The following SPTA1 variants were observed in gnomAD, a reference collection of about 807,000 sequenced individuals.
The protein encoded by SPTA1 is spectrin alpha, erythrocytic 1.
Under a neutral mutation model 324.7 loss-of-function variants are expected in SPTA1, and 177 were observed. That is an observed-to-expected ratio of 0.55 (90% CI 0.48 to 0.62). The LOEUF (loss-of-function observed/expected upper bound fraction) is 0.62, where lower values mean the gene tolerates loss of function less well. Ranked by LOEUF, SPTA1 falls within the 20% of genes least tolerant of loss-of-function variation. The pLI is 0.00. For missense variants in SPTA1, 3,162 were observed against 2,883.6 expected, an observed-to-expected ratio of 1.10 and a Z score of -2.21; for synonymous variants, 1,195 against 1,041.3, an observed-to-expected ratio of 1.15 and a Z score of -2.84.
chr1:158,643,587 A>G (rs754998482), intron 30 of SPTA1, among the ~76,000 whole-genome samples, 162 bp from the exon 31 acceptor site: 6 of 152,302 alleles, frequency 3.9e-5, no homozygotes, highest in Non-Finnish European at 7.4e-5. Context: ...TTTCAACTTA[A>G]TAGGAGGAGA....
At chr1:158,634,273 C>T (rs1224068110) in intron 39 of SPTA1, among the ~76,000 whole-genome samples, 1 of 152,162 alleles carries the variant, frequency 6.6e-6, no homozygotes, top group African/African-American at 2.4e-5. Flanking sequence ...AGGTCTTTAA[C>T]CATTATTTCT....
In SPTA1 at chr1:158,615,216, T is replaced by C. The variant is rs754391265; in HGVS notation, c.6788A>G (p.Lys2263Arg). The C allele has an allele frequency of 1.7e-5, 28 of 1,613,004 alleles. No individual in the cohort carries two copies. The highest frequency in any genetic ancestry group is 2.3e-5 in the Non-Finnish European group (27 of 1,180,010). The change falls in exon 48 of 52, where the codon AAG becomes AGG. Residue 2263 changes from lysine (K) to arginine (R), a missense_variant and splice_region_variant. Physicochemically the swap from Lys to Arg is conservative, Grantham distance 26. Transcript: ENST00000643759. ...TGCTCTGGCCACACGCCCTCAATAC[T>C]TGGCCTGGATCTGTTGCTCCAGGTT... ...QHNLEQQIQA[K>R]DIKGVSEETL...
At chr1:158,646,328 A>G (rs1651996393) in intron 27 of SPTA1, among the ~76,000 whole-genome samples, 4 of 152,210 alleles carry the variant, frequency 2.6e-5, no homozygotes, top group Admixed American at 2.6e-4. Context: ...AGGAACCCTT[A>G]GCTCTAGGAA....
Position 158,676,362 on chromosome 1 carries a change from G to A in SPTA1, c.958-67C>T, listed in dbSNP as rs1654395715. On this transcript the variant is annotated intron_variant, in intron 7 of 51. Coordinates refer to ENST00000643759, the MANE Select transcript of SPTA1 (RefSeq NM_003126.4). ...CTGACTCCCCCTGGCAAAGCTTTGT[G>A]GGAGAGGTATAAAAAATCATATGAA... 6 of 1,553,410 alleles carry A rather than the reference G, an allele frequency of 3.9e-6. No homozygotes were observed. In the South Asian group the frequency reaches 4.5e-5, roughly 12 times the overall value.
At chr1:158,682,337 G>A (rs182796427) in intron 3 of SPTA1, among the ~76,000 whole-genome samples, 112 of 152,178 alleles carry the variant, frequency 7.4e-4, no homozygotes, top group African/African-American at 2.1e-3. Flanking sequence ...GTTAAACCCC[G>A]CAATGGTACC....
At chr1:158,639,441 C>A in intron 35 of SPTA1, 141 bp downstream of exon 35, 2 of 808,554 alleles carry the variant, frequency 2.5e-6, no homozygotes, top group Non-Finnish European at 2.1e-6. Context: ...TTAATTTTAC[C>A]TAATTAAAAT....
intron 1 of SPTA1, among the ~76,000 whole-genome samples, chr1:158,686,287 G>A (rs183092561): frequency 6.6e-6 from 1 of 152,250 alleles, no homozygotes; most frequent in Non-Finnish European, 1.5e-5. Context: ...TCTGGGAACC[G>A]ACTTAAGTCA....
chr1:158,632,437 G>T (rs1557935769), intron 39 of SPTA1, among the ~76,000 whole-genome samples: 1 of 151,390 alleles, frequency 6.6e-6, no homozygotes, highest in Non-Finnish European at 1.5e-5. Context: ...TAGATCTCAT[G>T]TTCAGTGTTT....
At chr1:158,633,929 C>T (rs1357783563) in intron 39 of SPTA1, among the ~76,000 whole-genome samples, 1 of 152,068 alleles carries the variant, frequency 6.6e-6, no homozygotes, top group African/African-American at 2.4e-5. Flanking sequence ...TGGTAAATTC[C>T]CAATTTTTAG....
Position 158,623,100 on chromosome 1 carries a change from G to A in SPTA1, c.6003C>T (p.Asn2001=), listed in dbSNP as rs749678240. The change falls in exon 43 of 52, where the codon AAC becomes AAT. Residue 2001 remains asparagine (N), a synonymous_variant. Transcript: ENST00000643759. ...LKDKLISAQH[N]QSKAIEERYA... ...AACGCTCTTCAATGGCTTTAGACTG[G>A]TTGTGTTGAGCAGAAATCAGTTTGT... 6.2e-7 allele frequency: 1 copy of A among 1,614,162 alleles called. No individual in the cohort carries two copies. The highest frequency in any genetic ancestry group is 1.3e-5 in the African/African-American group (1 of 75,040).
chr1:158,655,544 G>A (rs1173463171), intron 20 of SPTA1, among the ~76,000 whole-genome samples: 1 of 150,860 alleles, frequency 6.6e-6, no homozygotes, highest in Non-Finnish European at 1.5e-5. Flanking sequence ...AAATCCTTCT[G>A]TTCTTGTTTA....
At position 158,620,375 on chromosome 1, in the gene SPTA1, T is replaced by A; in HGVS notation, c.6212A>T (p.His2071Leu). The change falls in exon 44 of 52, where the codon CAC becomes CTC. Residue 2071 changes from histidine (H) to leucine (L), a missense_variant. Transcript: ENST00000643759. Reference sequence around the variant, plus strand: ...CCGAATTTCATTCAGGGAGACACAGTGCACAGGCTCTGACAAGTTTTCTTC... The same window carrying A: ...CCGAATTTCATTCAGGGAGACACAGAGCACAGGCTCTGACAAGTTTTCTTC... ...KMEENLSEPV[H>L]CVSLNEIRQL... 2 of 1,614,088 alleles carry A rather than the reference T, an allele frequency of 1.2e-6. No homozygotes were observed. The highest frequency in any genetic ancestry group is 1.7e-6 in the Non-Finnish European group (2 of 1,180,036).
chr1:158,626,071 A>T (rs890014390), intron 42 of SPTA1, 75 bp downstream of exon 42: 2 of 1,378,852 alleles, frequency 1.5e-6, no homozygotes, highest in African/African-American at 2.9e-5. Flanking sequence ...CCCAAAATTC[A>T]GAAATAAATA....
At chr1:158,680,521 C>G in intron 5 of SPTA1, 62 bp downstream of exon 5, 1 of 1,609,710 alleles carries the variant, frequency 6.2e-7, no homozygotes, top group Non-Finnish European at 8.5e-7. Flanking sequence ...TACTAATGGC[C>G]AGAAGTTATT....
At chr1:158,612,723 T>C in intron 51 of SPTA1, 94 bp downstream of exon 51, 1 of 1,366,490 alleles carries the variant, frequency 7.3e-7, no homozygotes, top group Admixed American at 1.9e-5. Context: ...AAAAAACAAG[T>C]GGGTGGGTTT....
intron 42 of SPTA1, among the ~76,000 whole-genome samples, chr1:158,623,652 G>T (rs187027047): frequency 5.9e-5 from 9 of 152,250 alleles, no homozygotes. Context: ...GGATGTGTTT[G>T]TTTCCCCTTC....
chr1:158,648,150 A>G (rs1446367933), intron 26 of SPTA1, among the ~76,000 whole-genome samples: 1 of 152,184 alleles, frequency 6.6e-6, no homozygotes, highest in Non-Finnish European at 1.5e-5. Flanking sequence ...AACATGCACC[A>G]TACTCAGATA....
At position 158,653,385 on chromosome 1, in the gene SPTA1, A is replaced by G. The variant is rs866127080; in HGVS notation, c.3077T>C (p.Val1026Ala). 4 of 1,613,924 alleles carry G rather than the reference A, an allele frequency of 2.5e-6. No individual in the cohort carries two copies. The Admixed American group carries it at 5.0e-5, about 20-fold the overall frequency. The change falls in exon 22 of 52, where the codon GTC becomes GCC. Residue 1026 changes from valine to alanine, a missense_variant. Transcript: ENST00000643759. Reference sequence around the variant, plus strand: ...CAGTCTTCTGACATAGACAGCTGGGACAATGCCCTGATGATCAGCAGCTTC... The same window carrying G: ...CAGTCTTCTGACATAGACAGCTGGGGCAATGCCCTGATGATCAGCAGCTTC... ...KVEAADHQGI[V>A]PAVYVRRLAH... is the part of the protein sequence containing the mutation.
chr1:158,656,426 C>T lies in SPTA1; in HGVS notation c.2898+138G>A, dbSNP rs1283940639. On this transcript the variant is annotated intron_variant, in intron 20 of 51. Coordinates refer to ENST00000643759, the MANE Select transcript of SPTA1 (RefSeq NM_003126.4). Reference sequence around the variant, plus strand: ...TAAATTGTGGATGCTACAGTTCCTGCATACAAGGGTCATAGAACTTAGTGT... The same window carrying T: ...TAAATTGTGGATGCTACAGTTCCTGTATACAAGGGTCATAGAACTTAGTGT... The T allele has an allele frequency of 7.7e-6, 6 of 782,118 alleles. No homozygotes were observed. In the African/African-American group the frequency reaches 8.5e-5, roughly 11 times the overall value. 48.4% of individuals were successfully genotyped at this position (782,118 alleles called of 1,614,324 possible).
Sources: gnomAD v4.1 joint callset for allele counts (sites outside exome capture counted in the v4.1 genomes callset) on GRCh38, gnomAD v4.1.1 for gene constraint, MANE v1.5 for transcripts, NCBI Gene and HGNC (gene_info 2026-07-23, HGNC 2026-07-21) for gene names.